The following NCOA4 variants were observed in gnomAD, a reference collection of about 807,000 sequenced individuals.
NCOA4 encodes nuclear receptor coactivator 4.
NCOA4 carries 31 observed loss-of-function variants against 69.5 expected under a neutral mutation model. The ratio of observed to expected loss-of-function variants is 0.45; its 90% CI spans 0.34 to 0.60. NCOA4 has a LOEUF of 0.60. Among genes scored for constraint, NCOA4 ranks in the 20% least tolerant of loss-of-function variants. The pLI is 0.02. For synonymous variants in NCOA4, 228 were observed against 252.4 expected, an observed-to-expected ratio of 0.90 and a Z score of 0.92; for missense variants, 600 against 719.2, an observed-to-expected ratio of 0.83 and a Z score of 1.90.
rs928240173 is a variant in NCOA4, at chr10:46,023,247, G to C, written c.-14-6553C>G. On this transcript the variant is annotated intron_variant, in intron 1 of 9. Transcript: ENST00000581486. ...ACGCAGTTGTGCAGTCAGCCGCTGC[G>C]ACCCGGCTCCTGCCCGGCGCCAGCC... 6.1e-6 allele frequency: 6 copies of C among 983,078 alleles called. No individual in the cohort carries two copies. The East Asian group carries it at 4.6e-4, about 75-fold the overall frequency. The allele number at this position is 983,078 out of a possible 1,614,324, so 60.9% of individuals were successfully genotyped here.
chr10:46,013,079 AAG>A, intron 6 of NCOA4, 53 bp from the exon 7 acceptor site: 1 of 1,574,354 alleles, frequency 6.4e-7, no homozygotes, highest in Non-Finnish European at 8.7e-7. Context: ...TCACCAGAAA[AAG>A]AGAAGAGCCA....
At chr10:46,008,162 T>C (rs1209150253) in intron 9 of NCOA4, among the ~76,000 whole-genome samples, 1 of 152,250 alleles carries the variant, frequency 6.6e-6, no homozygotes, top group Non-Finnish European at 1.5e-5. Flanking sequence ...TCATGTTTGC[T>C]AATAAAACAT....
At position 46,005,591 on chromosome 10, in the gene NCOA4, A is replaced by G; in HGVS notation, c.*1001T>C. On this transcript the variant is annotated 3_prime_UTR_variant, in exon 10 of 10. Coordinates refer to ENST00000581486, the MANE Select transcript of NCOA4 (RefSeq NM_001145263.2). ...CATCAGTAGTTTTCACAAAGCTTCA[A>G]TGAACACCCCAAGGCACAAGTGTTG... 3 of 220,266 alleles carry G rather than the reference A, an allele frequency of 1.4e-5. No individual in the cohort carries two copies. Among genetic ancestry groups the G allele is most frequent in the Non-Finnish European group, 2.7e-5 (3 of 109,574 alleles). 13.6% of individuals were successfully genotyped at this position (220,266 alleles called of 1,614,324 possible).
intron 7 of NCOA4, among the ~76,000 whole-genome samples, chr10:46,011,690 C>A (rs1251418988): frequency 6.6e-6 from 1 of 151,970 alleles, no homozygotes; most frequent in Non-Finnish European, 1.5e-5. Flanking sequence ...TGTAATATGC[C>A]TTTACAAATA....
chr10:46,026,301 TTCC>T (rs1410538797), intron 1 of NCOA4, among the ~76,000 whole-genome samples: 3 of 152,214 alleles, frequency 2.0e-5, no homozygotes, highest in African/African-American at 7.2e-5. Context: ...GATAGTGTCT[TTCC>T]TGCTGCCAGA....
chr10:46,009,506 G>C lies in NCOA4; in HGVS notation c.1744C>G (p.Pro582Ala), dbSNP rs782404346. 5 of 1,611,070 alleles carry C rather than the reference G, an allele frequency of 3.1e-6. No individual in the cohort carries two copies. Among genetic ancestry groups the C allele is most frequent in the Non-Finnish European group, 4.2e-6 (5 of 1,179,086 alleles). Residue 582 changes from proline to alanine, a missense_variant, in exon 9 of 10, where the codon CCA becomes GCA. By Grantham distance (27) the Pro-to-Ala change is conservative. Coordinates refer to ENST00000581486, the MANE Select transcript of NCOA4 (RefSeq NM_001145263.2). Reference sequence around the variant, plus strand: ...ACTGCAGGGAGGCCATAATGGTCTGGGGGGAAGTTATGTTCCTCCTGTAGA... The same window carrying C: ...ACTGCAGGGAGGCCATAATGGTCTGCGGGGAAGTTATGTTCCTCCTGTAGA... ...SPLQEEHNFP[P>A]DHYGLPAVCD... is the part of the protein sequence containing the mutation.
intron 8 of NCOA4, 79 bp from the exon 9 acceptor site, chr10:46,009,630 C>A: frequency 7.6e-7 from 1 of 1,318,350 alleles, no homozygotes; most frequent in Non-Finnish European, 1.0e-6. Flanking sequence ...ATAGGGTCTA[C>A]AGAGAATAAT....
intron 1 of NCOA4, among the ~76,000 whole-genome samples, chr10:46,021,886 G>A (rs1319637300): frequency 1.3e-5 from 2 of 152,174 alleles, no homozygotes; most frequent in Admixed American, 6.5e-5. Context: ...TTGAACCTGG[G>A]AGGCGGAGGT....
rs1291825282 is a variant in NCOA4, at chr10:46,023,375, G to C, written c.-14-6681C>G. 7 of 985,574 alleles carry C rather than the reference G, an allele frequency of 7.1e-6. No individual in the cohort carries two copies. In the African/African-American group the frequency reaches 1.0e-4, roughly 15 times the overall value. 61.1% of individuals were successfully genotyped at this position (985,574 alleles called of 1,614,324 possible). On this transcript the variant is annotated intron_variant, in intron 1 of 9. Transcript: ENST00000581486. ...CTCACCAGCTGCCCGGCAAGCGACA[G>C]GCTGCTTTACCCCTGACCCGAGTGC...
At chr10:46,023,390 G>A (rs1722184534) in intron 1 of NCOA4, 1 of 985,726 alleles carries the variant, frequency 1.0e-6, no homozygotes. Flanking sequence ...CTTTACCCCT[G>A]ACCCGAGTGC....
chr10:46,019,210 G>T, intron 1 of NCOA4: 1 of 504,720 alleles, frequency 2.0e-6, no homozygotes, highest in Non-Finnish European at 2.6e-6. Context: ...TCTAACCCTG[G>T]ACACACCAAC....
chr10:46,013,766 C>T (rs1042613462), intron 5 of NCOA4, 127 bp from the exon 6 acceptor site: 14 of 590,430 alleles, frequency 2.4e-5, no homozygotes, highest in Admixed American at 1.0e-4. Context: ...ACACTAAATT[C>T]CATGACTTAC....
chr10:46,006,454 T>C lies in NCOA4; in HGVS notation c.*138A>G, dbSNP rs1465705868. 2 of 932,556 alleles carry C rather than the reference T, an allele frequency of 2.1e-6. No homozygotes were observed. 57.8% of individuals were successfully genotyped at this position (932,556 alleles called of 1,614,324 possible). ...CATAATCTGATGACTCACTTTGCTT[T>C]ACTAGTTCAAAATTAGGCAGGAGAA... On this transcript the variant is annotated 3_prime_UTR_variant, in exon 10 of 10. Coordinates refer to ENST00000581486, the MANE Select transcript of NCOA4 (RefSeq NM_001145263.2).
rs558205076 is a variant in NCOA4 at position 46,018,368 on chromosome 10, G to A, written c.-14-1674C>T. Among the ~76,000 whole-genome samples, 7 of 152,318 alleles carry A rather than the reference G, an allele frequency of 4.6e-5. No individual in the cohort carries two copies. The South Asian group carries it at 6.2e-4, about 14-fold the overall frequency. On this transcript the variant is annotated intron_variant, in intron 1 of 9. Coordinates refer to ENST00000581486, the MANE Select transcript of NCOA4 (RefSeq NM_001145263.2). ...TTTTAAAGGGTGGAAATTTTTAACC[G>A]AAAGTAAATTCTCTATGAATTCGCA...
chr10:46,022,946 A>C (rs1839971075), intron 1 of NCOA4, among the ~76,000 whole-genome samples: 1 of 151,942 alleles, frequency 6.6e-6, no homozygotes, highest in Non-Finnish European at 1.5e-5. Flanking sequence ...AAATAAGATA[A>C]TAATAAATTC....
intron 1 of NCOA4, among the ~76,000 whole-genome samples, chr10:46,022,034 A>G (rs7922121): frequency 0.44 from 66,146 of 151,972 alleles, 14,734 homozygotes; most frequent in South Asian, 0.66. Flanking sequence ...AACACTGCCA[A>G]ATACCAATGC....
intron 3 of NCOA4, 67 bp downstream of exon 3, chr10:46,015,059 C>T (rs1201594332): frequency 6.2e-7 from 1 of 1,605,926 alleles, no homozygotes. Flanking sequence ...CACTGCATTA[C>T]AAGGAAGATA....
At chr10:46,028,504 C>A (rs1554925903) in intron 1 of NCOA4, among the ~76,000 whole-genome samples, 1 of 150,832 alleles carries the variant, frequency 6.6e-6, no homozygotes, top group Non-Finnish European at 1.5e-5. Context: ...TCTCAATTAG[C>A]CCTCATTAAA....
rs79146818 is a variant in NCOA4, at chr10:46,027,570, T to C, written c.-15+2956A>G. 439 of 1,223,606 alleles carry C rather than the reference T, an allele frequency of 3.6e-4. 1 individual carries two copies. In the African/African-American group the frequency reaches 6.3e-3, roughly 18 times the overall value. 75.8% of individuals were successfully genotyped at this position (1,223,606 alleles called of 1,614,324 possible). A position where few individuals can be genotyped will look rare whatever the true frequency, so the allele number is the denominator to read the frequency against. ...TCAAGATGAAAACCTTGGATGAAAATTTTAAAAGGACTAAAAAGTAGCAAG... is the reference window on the plus strand; with the variant it reads ...TCAAGATGAAAACCTTGGATGAAAACTTTAAAAGGACTAAAAAGTAGCAAG... On this transcript the variant is annotated intron_variant, in intron 1 of 9. Transcript: ENST00000581486.
Sources: gnomAD v4.1 joint callset for allele counts (sites outside exome capture counted in the v4.1 genomes callset) on GRCh38, gnomAD v4.1.1 for gene constraint, MANE v1.5 for transcripts, NCBI Gene and HGNC (gene_info 2026-07-23, HGNC 2026-07-21) for gene names.